Variants in NUDT21 observed in about 807,000 individuals in gnomAD.
NUDT21 encodes the protein nudix hydrolase 21, also known as cleavage and polyadenylation specificity factor subunit 5.
In NUDT21, 5 loss-of-function variants were observed where a neutral mutation model predicts 29.8. That is an observed-to-expected ratio of 0.17 (90% CI 0.09 to 0.35). The LOEUF (loss-of-function observed/expected upper bound fraction) is 0.35, where lower values mean the gene tolerates loss of function less well. Ranked by LOEUF, NUDT21 falls within the 10% of genes least tolerant of loss-of-function variation. NUDT21 has a pLI of 1.00. For synonymous variants in NUDT21, 113 were observed against 98.5 expected (o/e 1.15, Z -0.87); for missense variants, 76 against 276.0 (o/e 0.28, Z 5.13).
intron 4 of NUDT21, among the ~76,000 whole-genome samples, chr16:56,435,785 G>A (rs1301824486): frequency 0.02 from 529 of 26,898 alleles, 13 homozygotes; most frequent in Non-Finnish European, 0.025. Context: ...ATATATATAT[G>A]ATCAGTAAGT....
Position 56,436,619 on chromosome 16 carries a change from A to C in NUDT21, c.472-1790T>G, listed in dbSNP as rs74023817. Among the ~76,000 whole-genome samples the C allele has an allele frequency of 2.3e-3, 343 of 152,352 alleles. 1 individual carries two copies. The highest frequency in any genetic ancestry group is 7.9e-3 in the African/African-American group (329 of 41,580). On this transcript the variant is annotated intron_variant, in intron 4 of 6. Transcript: ENST00000300291. ...ACAAGCTAAGAGATCTGTGGATCAC[A>C]TACAATAAAAGTTCCCAAACCATGA...
chr16:56,434,247 G>C (rs1962068592), intron 6 of NUDT21, 84 bp downstream of exon 6: 2 of 851,104 alleles, frequency 2.3e-6, no homozygotes, highest in African/African-American at 1.7e-5. Context: ...CAAAATTCAT[G>C]AACTATACCT....
At chr16:56,446,755 A>T in intron 2 of NUDT21, 66 bp from the exon 3 acceptor site, 1 of 963,728 alleles carries the variant, frequency 1.0e-6, no homozygotes, top group Non-Finnish European at 1.6e-6. Context: ...ATAACACAAT[A>T]ATTGTTATTT....
At chr16:56,450,085 T>C (rs1205795170) in intron 1 of NUDT21, among the ~76,000 whole-genome samples, 5 of 152,228 alleles carry the variant, frequency 3.3e-5, no homozygotes, top group African/African-American at 1.2e-4. Flanking sequence ...TATTTTAATA[T>C]GAAACAGAGA....
At chr16:56,448,305 A>G (rs151093004) in intron 1 of NUDT21, among the ~76,000 whole-genome samples, 1 of 152,202 alleles carries the variant, frequency 6.6e-6, no homozygotes, top group Non-Finnish European at 1.5e-5. Context: ...CATGGCTGCT[A>G]TTTCAACATT....
Position 56,430,478 on chromosome 16 carries a change from A to C in NUDT21, c.*2234T>G, listed in dbSNP as rs1254734077. ...ATTTTAGACAAATATACAACATAGA[A>C]GCCACTAAAAAATATGGGTCTATTA... On this transcript the variant is annotated 3_prime_UTR_variant, in exon 7 of 7. Coordinates refer to ENST00000300291, the MANE Select transcript of NUDT21 (RefSeq NM_007006.3). 1 of 152,224 alleles carries C rather than the reference A, an allele frequency of 6.6e-6. No homozygotes were observed. Among genetic ancestry groups the C allele is most frequent in the Non-Finnish European group, 1.5e-5 (1 of 68,024 alleles). The allele number at this position is 152,224 out of a possible 1,614,324, so 9.4% of individuals were successfully genotyped here. A position where few individuals can be genotyped will look rare whatever the true frequency, so the allele number is the denominator to read the frequency against.
At position 56,431,344 on chromosome 16, in the gene NUDT21, A is replaced by G. The variant is rs1188434541; in HGVS notation, c.*1368T>C. The G allele has an allele frequency of 6.6e-6, 1 of 152,204 alleles. No homozygotes were observed. The highest frequency in any genetic ancestry group is 1.9e-4 in the East Asian group (1 of 5,196). 9.4% of individuals were successfully genotyped at this position (152,204 alleles called of 1,614,324 possible). A position where few individuals can be genotyped will look rare whatever the true frequency, so the allele number is the denominator to read the frequency against. Reference sequence around the variant, plus strand: ...GGAGACTGGTGCTCACCTACCATGAAGGACATGCACAGTTAGTCACTACTT... The same window carrying G: ...GGAGACTGGTGCTCACCTACCATGAGGGACATGCACAGTTAGTCACTACTT... On this transcript the variant is annotated 3_prime_UTR_variant, in exon 7 of 7. Transcript: ENST00000300291.
chr16:56,437,026 T>G (rs1486103640), intron 4 of NUDT21, among the ~76,000 whole-genome samples: 2 of 152,218 alleles, frequency 1.3e-5, no homozygotes, highest in African/African-American at 4.8e-5. Flanking sequence ...AAAAAAAGTT[T>G]AGAATAACTG....
At chr16:56,433,933 C>T (rs1332591451) in intron 6 of NUDT21, among the ~76,000 whole-genome samples, 1 of 152,098 alleles carries the variant, frequency 6.6e-6, no homozygotes, top group Non-Finnish European at 1.5e-5. Flanking sequence ...GATACACCCC[C>T]GCCTCAGCCT....
At chr16:56,444,291 A>C (rs954947270) in intron 3 of NUDT21, among the ~76,000 whole-genome samples, 1 of 152,076 alleles carries the variant, frequency 6.6e-6, no homozygotes, top group Non-Finnish European at 1.5e-5. Context: ...CTCTAAAAAA[A>C]ATAAGTAAGC....
chr16:56,439,542 G>A (rs1345936244), intron 4 of NUDT21, 115 bp downstream of exon 4: 2 of 754,426 alleles, frequency 2.7e-6, no homozygotes, highest in Middle Eastern at 2.4e-4. Context: ...TTTAAATTAA[G>A]GAGGGAAGAA....
intron 1 of NUDT21, among the ~76,000 whole-genome samples, chr16:56,450,125 AT>A (rs1402190102): frequency 6.6e-6 from 1 of 152,176 alleles, no homozygotes; most frequent in Non-Finnish European, 1.5e-5. Context: ...GAAAACATCA[AT>A]ACCACCAAAT....
intron 4 of NUDT21, among the ~76,000 whole-genome samples, chr16:56,437,194 A>C (rs1030502807): frequency 3.9e-5 from 6 of 152,178 alleles, no homozygotes; most frequent in Non-Finnish European, 7.3e-5. Flanking sequence ...GGGAGTCAGA[A>C]GCAAGAGAAA....
chr16:56,429,896 A>C lies in NUDT21; in HGVS notation c.*2816T>G, dbSNP rs1449444346. ...TGACTGAACAAGTACTGTAAAAATAAAGTCATTAAAAAGCCGAGAACATAA... is the reference window on the plus strand; with the variant it reads ...TGACTGAACAAGTACTGTAAAAATACAGTCATTAAAAAGCCGAGAACATAA... On this transcript the variant is annotated 3_prime_UTR_variant, in exon 7 of 7. Transcript: ENST00000300291. The C allele has an allele frequency of 6.6e-6, 1 of 152,220 alleles. No homozygotes were observed. Among genetic ancestry groups the C allele is most frequent in the Non-Finnish European group, 1.5e-5 (1 of 68,028 alleles). 9.4% of individuals were successfully genotyped at this position (152,220 alleles called of 1,614,324 possible).
intron 4 of NUDT21, among the ~76,000 whole-genome samples, chr16:56,438,841 C>G (rs1962131261): frequency 6.6e-6 from 1 of 151,012 alleles, no homozygotes; most frequent in Non-Finnish European, 1.5e-5. Flanking sequence ...TAGAGACTAT[C>G]CTAATCCAAA....
Position 56,430,891 on chromosome 16 carries a change from G to T in NUDT21, c.*1821C>A, listed in dbSNP as rs1303310907. On this transcript the variant is annotated 3_prime_UTR_variant, in exon 7 of 7. Coordinates refer to ENST00000300291, the MANE Select transcript of NUDT21 (RefSeq NM_007006.3). ...TTACTGTATATTGGGAAGAAGTGAA[G>T]AAGTGAGAAGTGAAGAATTTCTTGG... 1.3e-5 allele frequency: 2 copies of T among 152,248 alleles called. No individual in the cohort carries two copies. Among genetic ancestry groups the T allele is most frequent in the African/African-American group, 4.8e-5 (2 of 41,460 alleles). The allele number at this position is 152,248 out of a possible 1,614,324, so 9.4% of individuals were successfully genotyped here. A position where few individuals can be genotyped will look rare whatever the true frequency, so the allele number is the denominator to read the frequency against.
intron 2 of NUDT21, 142 bp from the exon 3 acceptor site, chr16:56,446,831 G>A: frequency 1.9e-6 from 1 of 533,804 alleles, no homozygotes; most frequent in South Asian, 2.8e-5. Flanking sequence ...AAAGTGAAGG[G>A]GGAGAATATG....
At chr16:56,443,182 CT>C (rs546436346) in intron 3 of NUDT21, among the ~76,000 whole-genome samples, 132 of 143,714 alleles carry the variant, frequency 9.2e-4, no homozygotes, top group Non-Finnish European at 9.1e-4. Context: ...ATTTTTTTTT[CT>C]TTTTTTTTTT....
chr16:56,442,067 G>T (rs1450239524), intron 3 of NUDT21, among the ~76,000 whole-genome samples: 1 of 152,044 alleles, frequency 6.6e-6, no homozygotes, highest in African/African-American at 2.4e-5. Flanking sequence ...CACAGCACCA[G>T]GCTAATTTTT....
Sources: gnomAD v4.1 joint callset for allele counts (sites outside exome capture counted in the v4.1 genomes callset) on GRCh38, gnomAD v4.1.1 for gene constraint, MANE v1.5 for transcripts, NCBI Gene and HGNC (gene_info 2026-07-23, HGNC 2026-07-21) for gene names.